Variants in FBXO10 observed in about 807,000 individuals in gnomAD.
The protein encoded by FBXO10 is F-box protein 10, also known as F-box only protein 10.
A neutral mutation model predicts 80.7 loss-of-function variants in FBXO10; 39 were observed. The observed-to-expected ratio is 0.48, with a 90% CI of 0.37 to 0.63. The LOEUF is 0.63. Among genes scored for constraint, FBXO10 ranks in the 30% least tolerant of loss-of-function variants. The pLI is 0.00. For missense variants in FBXO10, 1,025 were observed against 1,269.0 expected (o/e 0.81, Z 2.92); for synonymous variants, 449 against 489.6 (o/e 0.92, Z 1.09).
chr9:37,572,258 T>C (rs1054348901), intron 1 of FBXO10, among the ~76,000 whole-genome samples: 2 of 152,186 alleles, frequency 1.3e-5, no homozygotes, highest in Non-Finnish European at 2.9e-5. Context: ...TTTGCCAGGA[T>C]ATGAAGCAAC....
At position 37,541,751 on chromosome 9, in the gene FBXO10, G is replaced by C; in HGVS notation, c.18C>G (p.Leu6=). MEAGG[L]PLELWRMILA... ...AGATCATGCGCCACAGCTCCAAGGG[G>C]AGGCCACCAGCCTCCATGGTCACCT... is the stretch of plus-strand genomic sequence containing the variant. The change falls in exon 2 of 11, where the codon CTC becomes CTG. Residue 6 remains leucine (L), a synonymous_variant. Transcript: ENST00000432825. 6.2e-7 allele frequency: 1 copy of C among 1,600,122 alleles called. No individual in the cohort carries two copies.
chr9:37,512,317 C>G lies in FBXO10; in HGVS notation c.*230G>C, dbSNP rs572872575. Reference sequence around the variant, plus strand: ...CGCTCTTCACAATCTTTATAGACTTCGAGTGACTGGAAACCCACCAGCTTC... The same window carrying G: ...CGCTCTTCACAATCTTTATAGACTTGGAGTGACTGGAAACCCACCAGCTTC... On this transcript the variant is annotated 3_prime_UTR_variant, in exon 11 of 11. Transcript: ENST00000432825. The G allele has an allele frequency of 6.9e-6, 3 of 436,674 alleles. No homozygotes were observed. The highest frequency in any genetic ancestry group is 1.2e-5 in the Non-Finnish European group (3 of 246,254). 27.0% of individuals were successfully genotyped at this position (436,674 alleles called of 1,614,324 possible).
chr9:37,553,450 C>A lies in FBXO10; in HGVS notation c.-6-11676G>T, dbSNP rs554534308. On this transcript the variant is annotated intron_variant, in intron 1 of 10. Transcript: ENST00000432825. ...AGTTCAAATTAAGCTATCTTTGGCC[C>A]CACATTGGTTCCTCAGTCCTCCTGG... Among the ~76,000 whole-genome samples the A allele has an allele frequency of 1.8e-4, 28 of 152,226 alleles. 1 individual carries two copies. In the South Asian group the frequency reaches 5.8e-3, roughly 32 times the overall value.
At chr9:37,529,339 TC>T in intron 4 of FBXO10, 79 bp from the exon 5 acceptor site, 1 of 1,489,674 alleles carries the variant, frequency 6.7e-7, no homozygotes, top group Admixed American at 2.0e-5. Flanking sequence ...CGCCCACACC[TC>T]CGCGGCAGGA....
chr9:37,520,130 T>G (rs1821295543), intron 8 of FBXO10, among the ~76,000 whole-genome samples: 1 of 151,278 alleles, frequency 6.6e-6, no homozygotes, highest in Admixed American at 6.6e-5. Flanking sequence ...CCACTGCGCC[T>G]GGCCCAGGAA....
chr9:37,516,788 G>A (rs1218030068), intron 9 of FBXO10, among the ~76,000 whole-genome samples: 1 of 151,912 alleles, frequency 6.6e-6, no homozygotes, highest in African/African-American at 2.4e-5. Flanking sequence ...TGACCAACAT[G>A]GTATCTCTAC....
intron 8 of FBXO10, among the ~76,000 whole-genome samples, chr9:37,519,535 T>C (rs1440293192): frequency 4.6e-5 from 7 of 151,936 alleles, no homozygotes; most frequent in Non-Finnish European, 7.4e-5. Flanking sequence ...ACTGGGGCCC[T>C]GCAGCAGTGT....
At position 37,537,630 on chromosome 9, in the gene FBXO10, C is replaced by T. The variant is rs756275369; in HGVS notation, c.899G>A (p.Arg300Gln). The T allele has an allele frequency of 1.5e-5, 25 of 1,613,836 alleles. No homozygotes were observed. The highest frequency in any genetic ancestry group is 1.0e-4 in the Admixed American group (6 of 59,988). ...GGTCTTTGGGCTCCAGGCCTGGTCC[C>T]GGCTCTCTAGGTCCAGGGACATTAA... ...DFLMSLDLESRDQAWSPKTCD... is the reference protein window; with the variant it reads ...DFLMSLDLESQDQAWSPKTCD... The change falls in exon 3 of 11, where the codon CGG becomes CAG. Residue 300 changes from arginine to glutamine, a missense_variant. This residue lies in a region of FBXO10 where 450 missense variants were observed against 499.4 expected (regional missense o/e 0.90). Transcript: ENST00000432825.
intron 1 of FBXO10, among the ~76,000 whole-genome samples, chr9:37,547,515 G>C (rs117015975): frequency 0.028 from 4,189 of 152,318 alleles, 73 homozygotes; most frequent in Middle Eastern, 0.065. Flanking sequence ...GGTGGTTGAG[G>C]TAGGAGGATC....
chr9:37,523,872 G>A (rs572620671), intron 6 of FBXO10, among the ~76,000 whole-genome samples: 3 of 152,298 alleles, frequency 2.0e-5, no homozygotes, highest in South Asian at 4.1e-4. Context: ...AGCCGAGATC[G>A]CGCCATTGCA....
chr9:37,520,165 A>C (rs1821296300), intron 8 of FBXO10, among the ~76,000 whole-genome samples: 1 of 150,568 alleles, frequency 6.6e-6, no homozygotes, highest in African/African-American at 2.4e-5. Context: ...GCCTTCCTCC[A>C]TTTCCCGACC....
chr9:37,574,573 C>T (rs1426886881), intron 1 of FBXO10, among the ~76,000 whole-genome samples: 1 of 152,142 alleles, frequency 6.6e-6, no homozygotes, highest in Non-Finnish European at 1.5e-5. Flanking sequence ...CCTGATAAAG[C>T]AGCTTTTTCT....
intron 1 of FBXO10, among the ~76,000 whole-genome samples, chr9:37,560,326 G>A (rs1016757716): frequency 9.2e-5 from 14 of 152,108 alleles, no homozygotes; most frequent in Non-Finnish European, 1.2e-4. Flanking sequence ...CTGGAGCTTC[G>A]GTTTCTTGGG....
intron 3 of FBXO10, among the ~76,000 whole-genome samples, chr9:37,534,694 C>T (rs575921410): frequency 1.3e-5 from 2 of 151,730 alleles, no homozygotes; most frequent in Non-Finnish European, 2.9e-5. Flanking sequence ...AGATGAGAGA[C>T]TGGAGACAGC....
chr9:37,537,306 T>G lies in FBXO10; in HGVS notation c.1223A>C (p.Asn408Thr). Residue 408 changes from asparagine (N) to threonine (T), a missense_variant, in exon 3 of 11, where the codon AAC becomes ACC. Physicochemically the swap from Asn to Thr is moderately conservative, Grantham distance 65. This residue lies in a region of FBXO10 where 478 missense variants were observed against 667.8 expected (regional missense o/e 0.72). Coordinates refer to ENST00000432825, the MANE Select transcript of FBXO10 (RefSeq NM_012166.3). Reference protein sequence around the residue: ...SIQLPSCLVLNSLQQELQKDK... With the variant: ...SIQLPSCLVLTSLQQELQKDK... ...CTTCTGCAGCTCCTGCTGCAGTGAG[T>G]TCAGCACTAGGCAGCTGGGCAGCTG... 1 of 1,612,460 alleles carries G rather than the reference T, an allele frequency of 6.2e-7. No individual in the cohort carries two copies. Among genetic ancestry groups the G allele is most frequent in the East Asian group, 2.2e-5 (1 of 44,846 alleles).
At chr9:37,519,488 T>TG (rs1386949974) in intron 8 of FBXO10, among the ~76,000 whole-genome samples, 1 of 151,654 alleles carries the variant, frequency 6.6e-6, no homozygotes, top group Non-Finnish European at 1.5e-5. Context: ...CAACAAGGGT[T>TG]GGGGCAGTGC....
In FBXO10 at chr9:37,541,379, C is replaced by A; in HGVS notation, c.390G>T (p.Leu130=). 6.2e-7 allele frequency: 1 copy of A among 1,613,958 alleles called. No individual in the cohort carries two copies. Among genetic ancestry groups the A allele is most frequent in the South Asian group, 1.1e-5 (1 of 91,070 alleles). The change falls in exon 2 of 11, where the codon CTG becomes CTT. Residue 130 remains leucine, a synonymous_variant. Coordinates refer to ENST00000432825, the MANE Select transcript of FBXO10 (RefSeq NM_012166.3). ...CTGGGAAGAGCACAATTCGGTCATA[C>A]AGGCTGGCCATGGCCAAGGCACTGC... The part of the protein sequence containing the change: ...SLGSALAMAS[L]YDRIVLFPGV...
At chr9:37,517,205 T>A (rs949370254) in intron 9 of FBXO10, among the ~76,000 whole-genome samples, 1 of 152,088 alleles carries the variant, frequency 6.6e-6, no homozygotes, top group Non-Finnish European at 1.5e-5. Flanking sequence ...CTTTGGTGAC[T>A]CAGGGGGAAG....
intron 4 of FBXO10, 77 bp from the exon 5 acceptor site, chr9:37,529,337 C>T (rs1821558375): frequency 7.4e-6 from 11 of 1,486,478 alleles, no homozygotes; most frequent in Non-Finnish European, 1.0e-5. Flanking sequence ...GCCGCCCACA[C>T]CTCCGCGGCA....
Sources: gnomAD v4.1 joint callset for allele counts (sites outside exome capture counted in the v4.1 genomes callset) on GRCh38, gnomAD v4.1.1 for gene constraint, gnomAD v4.1.1 regional missense constraint, MANE v1.5 for transcripts, NCBI Gene and HGNC (gene_info 2026-07-23, HGNC 2026-07-21) for gene names.